ATF7: variants seen among roughly 807,000 people sequenced by gnomAD.
The protein encoded by ATF7 is cyclic AMP-dependent transcription factor ATF-7.
A neutral mutation model predicts 50.4 loss-of-function variants in ATF7; 10 were observed. That is an observed-to-expected ratio of 0.20 (90% CI 0.12 to 0.34). The LOEUF is 0.34. Among genes scored for constraint, ATF7 ranks in the 10% least tolerant of loss-of-function variants. The probability of loss-of-function intolerance (pLI) is 1.00; values close to 1 mark genes in which losing one functional copy is unlikely to be tolerated. For missense variants in ATF7, 465 were observed against 613.9 expected (o/e 0.76, Z 2.56); for synonymous variants, 201 against 226.4 (o/e 0.89, Z 1.01).
At chr12:53,556,915 A>G (rs1164343256) in intron 2 of ATF7, among the ~76,000 whole-genome samples, 3 of 152,178 alleles carry the variant, frequency 2.0e-5, no homozygotes, top group Non-Finnish European at 4.4e-5. Flanking sequence ...AAAATAGCTA[A>G]AATTATTATC....
At chr12:53,522,695 G>A (rs144586173) in intron 11 of ATF7, 26,145 of 152,226 alleles carry the variant, frequency 0.17, 2,979 homozygotes, top group South Asian at 0.31. Context: ...GTGAAACCCC[G>A]TCTTTACTGA....
chr12:53,510,165 G>A (rs556129731), downstream of ATF7, among the ~76,000 whole-genome samples: 180 of 151,096 alleles, frequency 1.2e-3, no homozygotes, highest in African/African-American at 3.9e-3. Flanking sequence ...TCAACCTCCC[G>A]AGTAGCTGGG....
intron 2 of ATF7, among the ~76,000 whole-genome samples, chr12:53,595,362 T>G (rs1383683634): frequency 6.6e-6 from 1 of 152,224 alleles, no homozygotes; most frequent in African/African-American, 2.4e-5. Flanking sequence ...CACCAACTCA[T>G]TCTTTCCTGC....
chr12:53,529,612 C>T (rs1428482613), intron 9 of ATF7, among the ~76,000 whole-genome samples: 1 of 150,090 alleles, frequency 6.7e-6, no homozygotes, highest in Admixed American at 6.7e-5. Context: ...CTGTGAGCTA[C>T]CGCACCCGGC....
chr12:53,606,153 C>CA (rs1943595246), intron 1 of ATF7, among the ~76,000 whole-genome samples: 1 of 151,770 alleles, frequency 6.6e-6, no homozygotes, highest in African/African-American at 2.4e-5. Context: ...AACCCCTAAT[C>CA]AAACCTTAAA....
intron 4 of ATF7, among the ~76,000 whole-genome samples, chr12:53,539,485 G>A (rs534165625): frequency 3.9e-5 from 6 of 152,136 alleles, no homozygotes. Context: ...CTTGAGCCCA[G>A]GAGTTTGAGA....
intron 2 of ATF7, among the ~76,000 whole-genome samples, chr12:53,592,641 C>T (rs532111983): frequency 6.6e-6 from 1 of 152,224 alleles, no homozygotes; most frequent in Middle Eastern, 3.4e-3. Context: ...CTGTTTAAAA[C>T]ATGTGTTGTT....
intron 5 of ATF7, among the ~76,000 whole-genome samples, chr12:53,536,881 G>A (rs371955891): frequency 5.0e-4 from 76 of 152,006 alleles, no homozygotes; most frequent in African/African-American, 1.8e-3. Context: ...GAGTGAGACT[G>A]TCTCAACAAC....
intron 2 of ATF7, among the ~76,000 whole-genome samples, chr12:53,586,395 T>C (rs1158119594): frequency 1.4e-5 from 2 of 142,828 alleles, no homozygotes; most frequent in Admixed American, 7.4e-5. Context: ...TTAATGTGCA[T>C]AGATTGCCAC....
intron 9 of ATF7, among the ~76,000 whole-genome samples, chr12:53,525,801 T>C (rs540184180): frequency 5.9e-5 from 9 of 152,166 alleles, no homozygotes; most frequent in South Asian, 4.1e-4. Flanking sequence ...AATTTTATAA[T>C]AGAAGCCAAA....
chr12:53,595,287 C>A (rs954445916), intron 2 of ATF7, among the ~76,000 whole-genome samples: 2 of 152,170 alleles, frequency 1.3e-5, no homozygotes, highest in African/African-American at 4.8e-5. Context: ...CCTACCAGAG[C>A]CATTGCTTCC....
chr12:53,624,785 T>A (rs1463253565), intron 1 of ATF7, among the ~76,000 whole-genome samples: 1 of 152,250 alleles, frequency 6.6e-6, no homozygotes, highest in Non-Finnish European at 1.5e-5. Flanking sequence ...AAATAACATG[T>A]CTATTTTATT....
chr12:53,517,424 A>C (rs1592764444), intron 11 of ATF7, 70 bp from the exon 12 acceptor site: 19 of 1,439,064 alleles, frequency 1.3e-5, no homozygotes, highest in Non-Finnish European at 1.8e-5. Flanking sequence ...AGGCAGGACT[A>C]CCTTTTGCCA....
chr12:53,556,060 C>T (rs1029251610), intron 2 of ATF7, among the ~76,000 whole-genome samples: 1 of 152,144 alleles, frequency 6.6e-6, no homozygotes, highest in Admixed American at 6.5e-5. Context: ...AGGTGATCCA[C>T]CCACCTCGAC....
intron 2 of ATF7, among the ~76,000 whole-genome samples, chr12:53,567,418 A>G (rs144358927): frequency 2.2e-4 from 34 of 152,308 alleles, no homozygotes; most frequent in Admixed American, 1.3e-3. Flanking sequence ...ACTCCTCACT[A>G]AAGAATGGAG....
chr12:53,532,668 T>C lies in ATF7; in HGVS notation c.661-45A>G. ...AAAAAAAAAAGAGAAGGGAACATAATACCATCGGTGGGGCAACAGTTTCCC... is the reference window on the plus strand; with the variant it reads ...AAAAAAAAAAGAGAAGGGAACATAACACCATCGGTGGGGCAACAGTTTCCC... On this transcript the variant is annotated intron_variant, in intron 7 of 11. Transcript: ENST00000420353. The C allele has an allele frequency of 3.0e-6, 4 of 1,352,464 alleles. No homozygotes were observed. The South Asian group carries it at 5.1e-5, about 17-fold the overall frequency. 83.8% of individuals were successfully genotyped at this position (1,352,464 alleles called of 1,614,324 possible). A position where few individuals can be genotyped will look rare whatever the true frequency, so the allele number is the denominator to read the frequency against.
intron 1 of ATF7, among the ~76,000 whole-genome samples, chr12:53,601,236 CT>C (rs1943389390): frequency 6.6e-6 from 1 of 152,132 alleles, no homozygotes; most frequent in Admixed American, 6.5e-5. Flanking sequence ...AGAATGAGAT[CT>C]AAATAGTCAA....
chr12:53,539,753 T>A (rs546350099), intron 4 of ATF7, among the ~76,000 whole-genome samples: 13 of 151,310 alleles, frequency 8.6e-5, no homozygotes, highest in African/African-American at 1.2e-4. Flanking sequence ...AAAAAGACTG[T>A]GGCTAGTTCT....
At chr12:53,511,627 C>A (rs528787512), downstream of ATF7, among the ~76,000 whole-genome samples, 1 of 152,154 alleles carries the variant, frequency 6.6e-6, no homozygotes, top group Non-Finnish European at 1.5e-5. Flanking sequence ...CTATACTTTC[C>A]GTCTTTGTCT....
Sources: allele counts gnomAD v4.1 joint callset (sites outside exome capture counted in the v4.1 genomes callset), GRCh38; gene constraint gnomAD v4.1.1; transcripts MANE v1.5; gene names NCBI Gene and HGNC (gene_info 2026-07-23, HGNC 2026-07-21).